Variants in TSPAN5 observed in about 807,000 individuals in gnomAD.
The protein encoded by TSPAN5 is tetraspanin-5.
In TSPAN5, 10 loss-of-function variants were observed where a neutral mutation model predicts 37.1. That is an observed-to-expected ratio of 0.27 (90% CI 0.17 to 0.46). The LOEUF is 0.46. Ranked by LOEUF, TSPAN5 falls within the 20% of genes least tolerant of loss-of-function variation. TSPAN5 has a pLI of 1.00. For synonymous variants in TSPAN5, 110 were observed against 118.9 expected, an observed-to-expected ratio of 0.93 and a Z score of 0.48; for missense variants, 195 against 326.6, an observed-to-expected ratio of 0.60 and a Z score of 3.11.
At chr4:98,505,108 T>C (rs1753446477) in intron 2 of TSPAN5, among the ~76,000 whole-genome samples, 1 of 151,908 alleles carries the variant, frequency 6.6e-6, no homozygotes, top group African/African-American at 2.4e-5. Flanking sequence ...CCTCCAAATA[T>C]CATTACATTG....
chr4:98,564,504 C>A (rs988670748), intron 1 of TSPAN5, among the ~76,000 whole-genome samples: 4 of 152,124 alleles, frequency 2.6e-5, no homozygotes, highest in African/African-American at 9.7e-5. Context: ...TATAGGTGAT[C>A]TAAGTTAATC....
At chr4:98,502,595 T>G (rs1227481377) in intron 2 of TSPAN5, among the ~76,000 whole-genome samples, 1 of 152,044 alleles carries the variant, frequency 6.6e-6, no homozygotes, top group Non-Finnish European at 1.5e-5. Context: ...CCAGCATGGG[T>G]TCAATAAGAA....
chr4:98,615,924 G>A (rs1560560887), intron 1 of TSPAN5, among the ~76,000 whole-genome samples: 1 of 152,128 alleles, frequency 6.6e-6, no homozygotes, highest in South Asian at 2.1e-4. Context: ...GTCAGGGCAC[G>A]TGGCAACTAC....
chr4:98,489,488 T>C (rs945553216), intron 2 of TSPAN5, among the ~76,000 whole-genome samples: 6 of 152,158 alleles, frequency 3.9e-5, no homozygotes, highest in Non-Finnish European at 7.3e-5. Flanking sequence ...TCCCGTTGTA[T>C]GGGAGCTCTG....
intron 1 of TSPAN5, among the ~76,000 whole-genome samples, chr4:98,620,112 T>A (rs1361150609): frequency 6.6e-6 from 1 of 152,126 alleles, no homozygotes; most frequent in Non-Finnish European, 1.5e-5. Context: ...CCCTCACTCA[T>A]GAATATGGGC....
rs767673790 is a variant in TSPAN5 at position 98,478,726 on chromosome 4, G to C, written c.535C>G (p.Arg179Gly). 1 of 1,614,066 alleles carries C rather than the reference G, an allele frequency of 6.2e-7. No individual in the cohort carries two copies. The highest frequency in any genetic ancestry group is 8.5e-7 in the Non-Finnish European group (1 of 1,180,002). Residue 179 changes from arginine to glycine, a missense_variant, in exon 5 of 8, where the codon CGA becomes GGA. Coordinates refer to ENST00000305798, the MANE Select transcript of TSPAN5 (RefSeq NM_005723.4). ...NCTDSNASRE[R>G]CGVPFSCCTK... Reference sequence around the variant, plus strand: ...CAGCAGGAGAATGGAACGCCACATCGCTCTCGACTTGCATTGGAATCTGTG... The same window carrying C: ...CAGCAGGAGAATGGAACGCCACATCCCTCTCGACTTGCATTGGAATCTGTG...
intron 1 of TSPAN5, chr4:98,560,211 C>T (rs373209698): frequency 1.3e-5 from 2 of 152,288 alleles, no homozygotes; most frequent in South Asian, 4.1e-4. Context: ...CAAGTTTCCC[C>T]CACTGGTGTT....
chr4:98,655,405 C>T (rs948930745), intron 1 of TSPAN5, among the ~76,000 whole-genome samples: 4 of 152,168 alleles, frequency 2.6e-5, no homozygotes, highest in Non-Finnish European at 5.9e-5. Flanking sequence ...ATAACTCATC[C>T]ACCTCCTTCA....
chr4:98,566,021 CGAG>C (rs1321342277), intron 1 of TSPAN5, among the ~76,000 whole-genome samples: 2 of 151,958 alleles, frequency 1.3e-5, no homozygotes, highest in Non-Finnish European at 2.9e-5. Context: ...TTAGTTTTAG[CGAG>C]GAGAAGAAAC....
intron 2 of TSPAN5, among the ~76,000 whole-genome samples, chr4:98,503,830 A>T (rs1753412502): frequency 1.3e-5 from 2 of 152,196 alleles, no homozygotes; most frequent in African/African-American, 4.8e-5. Context: ...TGAATGAATG[A>T]GTTGACTGTC....
At chr4:98,579,795 G>A (rs1292485096) in intron 1 of TSPAN5, among the ~76,000 whole-genome samples, 1 of 152,110 alleles carries the variant, frequency 6.6e-6, no homozygotes. Context: ...CTTTATTCAA[G>A]CCAGATCTTC....
chr4:98,589,127 C>T (rs943786278), intron 1 of TSPAN5, among the ~76,000 whole-genome samples: 2 of 152,108 alleles, frequency 1.3e-5, no homozygotes, highest in African/African-American at 4.8e-5. Flanking sequence ...ATGCTCTCTA[C>T]GTGTGAAGAA....
At chr4:98,558,565 G>A (rs531262510) in intron 1 of TSPAN5, among the ~76,000 whole-genome samples, 2 of 152,340 alleles carry the variant, frequency 1.3e-5, no homozygotes, top group East Asian at 3.9e-4. Context: ...TTTGCCAATC[G>A]ATGGGCTGCT....
intron 1 of TSPAN5, among the ~76,000 whole-genome samples, chr4:98,621,793 C>CA (rs1299837105): frequency 6.6e-6 from 1 of 151,116 alleles, no homozygotes; most frequent in African/African-American, 2.4e-5. Flanking sequence ...TTCCCACCCC[C>CA]CCCGCAGCCC....
At chr4:98,505,231 A>T (rs1753450353) in intron 2 of TSPAN5, among the ~76,000 whole-genome samples, 1 of 151,314 alleles carries the variant, frequency 6.6e-6, no homozygotes, top group Non-Finnish European at 1.5e-5. Context: ...GAGTGATCTT[A>T]AAAAAAAAGT....
chr4:98,490,086 G>A (rs7677026), intron 2 of TSPAN5, among the ~76,000 whole-genome samples: 115,438 of 152,070 alleles, frequency 0.76, 44,197 homozygotes, highest in South Asian at 0.85. Context: ...TTTCAACTTT[G>A]AGACCGTTCT....
intron 1 of TSPAN5, among the ~76,000 whole-genome samples, chr4:98,604,736 G>C (rs1321323932): frequency 6.6e-6 from 1 of 152,226 alleles, no homozygotes; most frequent in Admixed American, 6.5e-5. Context: ...TACCCAAAAA[G>C]AGGGAGAGAG....
At chr4:98,604,478 G>T (rs1052307992) in intron 1 of TSPAN5, among the ~76,000 whole-genome samples, 2 of 152,310 alleles carry the variant, frequency 1.3e-5, no homozygotes, top group Admixed American at 6.5e-5. Flanking sequence ...AATCAGCAAT[G>T]AACTGTCTTA....
At chr4:98,532,394 G>A (rs929193552) in intron 1 of TSPAN5, among the ~76,000 whole-genome samples, 1 of 152,178 alleles carries the variant, frequency 6.6e-6, no homozygotes, top group Non-Finnish European at 1.5e-5. Flanking sequence ...TCTCCTTGAA[G>A]AGGTCCTTCA....
Sources: gnomAD v4.1 joint callset for allele counts (sites outside exome capture counted in the v4.1 genomes callset) on GRCh38, gnomAD v4.1.1 for gene constraint, MANE v1.5 for transcripts, NCBI Gene and HGNC (gene_info 2026-07-23, HGNC 2026-07-21) for gene names.